PCDHA10: variants seen among roughly 807,000 people sequenced by gnomAD.
PCDHA10 encodes the protein protocadherin alpha 10, also known as protocadherin alpha-10.
PCDHA10 carries 45 observed loss-of-function variants against 61.2 expected under a neutral mutation model. The ratio of observed to expected loss-of-function variants is 0.74; its 90% CI spans 0.58 to 0.94. The LOEUF (loss-of-function observed/expected upper bound fraction) is 0.94. Ranked by LOEUF, PCDHA10 falls within the 40% of genes least tolerant of loss-of-function variation. The probability of loss-of-function intolerance (pLI) is 0.00; values close to 1 mark genes in which losing one functional copy is unlikely to be tolerated. For missense variants in PCDHA10, 1,278 were observed against 1,236.2 expected (o/e 1.03, Z -0.51); for synonymous variants, 602 against 548.8 (o/e 1.10, Z -1.35).
At chr5:140,966,821 C>T (rs1554228738) in intron 1 of PCDHA10, 1 of 1,557,928 alleles carries the variant, frequency 6.4e-7, no homozygotes, top group Admixed American at 1.9e-5. Flanking sequence ...GCTCCGGCGG[C>T]CCATGCCCTG....
intron 1 of PCDHA10, among the ~76,000 whole-genome samples, chr5:140,925,390 G>A (rs968466600): frequency 6.6e-6 from 1 of 152,032 alleles, no homozygotes; most frequent in Non-Finnish European, 1.5e-5. Flanking sequence ...GTCTCCTTTT[G>A]GCTCGCCTCC....
At chr5:140,876,048 T>G in intron 1 of PCDHA10, 1 of 1,613,930 alleles carries the variant, frequency 6.2e-7, no homozygotes, top group Non-Finnish European at 8.5e-7. Context: ...GTATATTGCC[T>G]GAATTAGTTC....
intron 1 of PCDHA10, among the ~76,000 whole-genome samples, chr5:140,964,804 G>A (rs1484818069): frequency 6.6e-6 from 1 of 152,012 alleles, no homozygotes; most frequent in African/African-American, 2.4e-5. Context: ...CAAGAAAGGA[G>A]ACAGGAATAG....
chr5:140,871,361 G>C (rs1554165481), intron 1 of PCDHA10: 4 of 1,614,220 alleles, frequency 2.5e-6, no homozygotes, highest in South Asian at 2.2e-5. Flanking sequence ...TCGCAGCAGA[G>C]GCGGCAGAGG....
intron 1 of PCDHA10, among the ~76,000 whole-genome samples, chr5:140,913,152 T>G (rs2076232515): frequency 6.6e-6 from 1 of 152,178 alleles, no homozygotes; most frequent in Admixed American, 6.5e-5. Context: ...ATAGTTTGAG[T>G]AGGATTGGTA....
intron 1 of PCDHA10, chr5:140,875,685 C>T (rs563250653): frequency 6.2e-7 from 1 of 1,613,934 alleles, no homozygotes; most frequent in South Asian, 1.1e-5. Flanking sequence ...CCAAAAGACA[C>T]GGGGACCTTC....
intron 1 of PCDHA10, among the ~76,000 whole-genome samples, chr5:140,954,401 A>G (rs567522525): frequency 2.0e-4 from 31 of 152,300 alleles, no homozygotes; most frequent in Middle Eastern, 3.4e-3. Flanking sequence ...AACCCCACCA[A>G]CAGGGTAAAG....
At chr5:140,933,446 C>T (rs543444309) in intron 1 of PCDHA10, among the ~76,000 whole-genome samples, 1 of 151,990 alleles carries the variant, frequency 6.6e-6, no homozygotes, top group Non-Finnish European at 1.5e-5. Flanking sequence ...AATGACATAC[C>T]TTCAAAATAT....
rs2067929537 is a variant in PCDHA10 at position 140,900,315 on chromosome 5, T to C, written c.2388+41879T>C. Among the ~76,000 whole-genome samples the C allele has an allele frequency of 2.0e-5, 3 of 152,186 alleles. No homozygotes were observed. The East Asian group carries it at 5.8e-4, about 29-fold the overall frequency. On this transcript the variant is annotated intron_variant, in intron 1 of 3. Transcript: ENST00000307360. ...GTTTTTTTAGACAGTCTCACTTTTG[T>C]CGCCCAGGCTGGAGTACCGTGGCGC...
chr5:140,980,275 C>G (rs1288435032), intron 2 of PCDHA10, among the ~76,000 whole-genome samples: 1 of 152,196 alleles, frequency 6.6e-6, no homozygotes. Flanking sequence ...AGTACCAACT[C>G]TTGAAAAGTA....
chr5:140,858,695 T>C (rs563307566), intron 1 of PCDHA10: 3 of 571,446 alleles, frequency 5.2e-6, no homozygotes, highest in Admixed American at 3.6e-5. Flanking sequence ...TATTTTCCAA[T>C]ACAAATATGT....
intron 1 of PCDHA10, among the ~76,000 whole-genome samples, chr5:140,921,678 A>C (rs2080326339): frequency 6.6e-6 from 1 of 152,222 alleles, no homozygotes; most frequent in South Asian, 2.1e-4. Context: ...AGTTATCATC[A>C]AACACTGGCC....
intron 3 of PCDHA10, among the ~76,000 whole-genome samples, chr5:140,985,013 C>T (rs1022576947): frequency 8.6e-5 from 13 of 152,046 alleles, no homozygotes; most frequent in Non-Finnish European, 1.3e-4. Context: ...TATCGGCTCA[C>T]AGCAACCTCT....
intron 1 of PCDHA10, chr5:140,870,513 C>G: frequency 6.2e-7 from 1 of 1,614,254 alleles, no homozygotes; most frequent in Non-Finnish European, 8.5e-7. Flanking sequence ...ACCCACCAGG[C>G]TGCCACATCT....
chr5:140,977,844 G>A (rs2096777589), intron 1 of PCDHA10, among the ~76,000 whole-genome samples: 1 of 152,136 alleles, frequency 6.6e-6, no homozygotes, highest in Admixed American at 6.5e-5. Context: ...TATTACTATG[G>A]CTTTGTTTCT....
At position 140,967,262 on chromosome 5, in the gene PCDHA10, C is replaced by T; in HGVS notation, c.2389-11687C>T. ...AAGCGAATCGGTGGCGCCTGGAGCG[C>T]GCTTTCACATAGAGAGTGCGCAGGA... On this transcript the variant is annotated intron_variant, in intron 1 of 3. Transcript: ENST00000307360. The T allele has an allele frequency of 1.9e-6, 3 of 1,613,522 alleles. No homozygotes were observed. In the South Asian group the frequency reaches 3.3e-5, roughly 18 times the overall value.
At chr5:140,898,701 A>G (rs1216294301) in intron 1 of PCDHA10, among the ~76,000 whole-genome samples, 2 of 152,102 alleles carry the variant, frequency 1.3e-5, no homozygotes, top group African/African-American at 4.8e-5. Context: ...ATGAACTTTA[A>G]AGTAGTTTTT....
chr5:140,871,082 C>T, intron 1 of PCDHA10: 1 of 1,613,246 alleles, frequency 6.2e-7, no homozygotes, highest in Non-Finnish European at 8.5e-7. Context: ...GCGCTGACGG[C>T]CACGGCCACC....
At chr5:140,870,368 T>A in intron 1 of PCDHA10, 1 of 1,614,094 alleles carries the variant, frequency 6.2e-7, no homozygotes, top group Admixed American at 1.7e-5. Context: ...GCCTATGAAC[T>A]GGTGGTGACT....
Sources: allele counts gnomAD v4.1 joint callset (sites outside exome capture counted in the v4.1 genomes callset), GRCh38; gene constraint gnomAD v4.1.1; transcripts MANE v1.5; gene names NCBI Gene and HGNC (gene_info 2026-07-23, HGNC 2026-07-21).